Variants in MCTP1 observed in about 807,000 individuals in gnomAD.
The protein encoded by MCTP1 is multiple C2 and transmembrane domain containing 1.
MCTP1 carries 69 observed loss-of-function variants against 120.6 expected under a neutral mutation model. The observed-to-expected ratio is 0.57, with a 90% CI of 0.47 to 0.70. The LOEUF (loss-of-function observed/expected upper bound fraction) is 0.70, where lower values mean the gene tolerates loss of function less well. Ranked by LOEUF, MCTP1 falls within the 30% of genes least tolerant of loss-of-function variation. The pLI is 0.00. For missense variants in MCTP1, 1,203 were observed against 1,248.8 expected (o/e 0.96, Z 0.55); for synonymous variants, 529 against 493.1 (o/e 1.07, Z -0.96).
Position 95,137,888 on chromosome 5 carries a change from A to G in MCTP1, c.721-120404T>C, listed in dbSNP as rs530931930. Among the ~76,000 whole-genome samples the G allele has an allele frequency of 5.9e-5, 9 of 152,314 alleles. No individual in the cohort carries two copies. In the East Asian group the frequency reaches 1.7e-3, roughly 29 times the overall value. On this transcript the variant is annotated intron_variant, in intron 1 of 22. Transcript: ENST00000515393. ...GCCAAACCAAACTTGATGATTTGCA[A>G]GCAACATGTTCTTAGAAAACATTTA...
intron 17 of MCTP1, among the ~76,000 whole-genome samples, chr5:94,819,087 AT>A (rs1785065314): frequency 1.6e-5 from 1 of 62,850 alleles, no homozygotes; most frequent in African/African-American, 5.6e-5. Flanking sequence ...AAATTTATTT[AT>A]TTATTTATTT....
intron 5 of MCTP1, among the ~76,000 whole-genome samples, chr5:94,933,332 G>A (rs1047242171): frequency 6.6e-6 from 1 of 151,590 alleles, no homozygotes; most frequent in African/African-American, 2.4e-5. Context: ...GCCATCTAGG[G>A]GGACATGTAC....
chr5:94,931,701 A>G, intron 6 of MCTP1: 2 of 437,100 alleles, frequency 4.6e-6, no homozygotes. Context: ...TGTTGCATAT[A>G]TAGTTGAGAC....
intron 1 of MCTP1, among the ~76,000 whole-genome samples, chr5:95,172,066 G>A (rs1341568889): frequency 6.6e-6 from 1 of 152,150 alleles, no homozygotes; most frequent in Non-Finnish European, 1.5e-5. Context: ...TTTGATGATG[G>A]TGAGGTACAG....
At chr5:94,740,403 C>T (rs1765241942) in intron 19 of MCTP1, among the ~76,000 whole-genome samples, 1 of 152,146 alleles carries the variant, frequency 6.6e-6, no homozygotes, top group African/African-American at 2.4e-5. Flanking sequence ...TAATTAAATG[C>T]AAATTTTTTT....
At chr5:94,865,001 C>T (rs1796532139) in intron 17 of MCTP1, among the ~76,000 whole-genome samples, 1 of 151,908 alleles carries the variant, frequency 6.6e-6, no homozygotes, top group South Asian at 2.1e-4. Flanking sequence ...GCAGTGCCTT[C>T]TGCACCACAC....
intron 2 of MCTP1, chr5:94,980,757 A>G (rs1829221619): frequency 6.6e-6 from 1 of 152,134 alleles, no homozygotes; most frequent in Non-Finnish European, 1.5e-5. Context: ...TTCTTCAATG[A>G]GAGAAGTTTT....
At chr5:95,209,887 G>A (rs1562240114) in intron 1 of MCTP1, among the ~76,000 whole-genome samples, 1 of 152,158 alleles carries the variant, frequency 6.6e-6, no homozygotes, top group Non-Finnish European at 1.5e-5. Context: ...GTTCTTGTTG[G>A]TTTCAAAGAA....
chr5:95,108,371 C>A (rs1312536597), intron 1 of MCTP1, among the ~76,000 whole-genome samples: 1 of 152,182 alleles, frequency 6.6e-6, no homozygotes, highest in Non-Finnish European at 1.5e-5. Context: ...TAGACCTTGA[C>A]ACATCTTATT....
chr5:95,192,644 C>A (rs1292014146), intron 1 of MCTP1, among the ~76,000 whole-genome samples: 1 of 151,972 alleles, frequency 6.6e-6, no homozygotes, highest in African/African-American at 2.4e-5. Flanking sequence ...TTGACAAATA[C>A]TTTTATATGT....
intron 1 of MCTP1, among the ~76,000 whole-genome samples, chr5:95,062,294 G>A (rs961179234): frequency 2.6e-5 from 4 of 152,152 alleles, no homozygotes; most frequent in African/African-American, 7.2e-5. Flanking sequence ...ATTGAAAGAT[G>A]TGTATTTTGG....
chr5:94,797,832 C>T (rs980377322), intron 18 of MCTP1, among the ~76,000 whole-genome samples: 2 of 152,000 alleles, frequency 1.3e-5, no homozygotes, highest in African/African-American at 4.8e-5. Flanking sequence ...AACTTTGTCA[C>T]ATACTAAAGG....
chr5:94,969,458 A>G (rs1826301243), intron 2 of MCTP1, among the ~76,000 whole-genome samples: 1 of 152,168 alleles, frequency 6.6e-6, no homozygotes. Context: ...AACAAGTTTA[A>G]ATCAGTCTCA....
rs557358687 is a variant in MCTP1 at position 95,002,266 on chromosome 5, G to A, written c.838+15101C>T. On this transcript the variant is annotated intron_variant, in intron 2 of 22. Transcript: ENST00000515393. ...CTAGGGCAGTGTGGAAGGGAAATGC[G>A]GGGTTGGAGCCTCGACACAGAGTCC... 1.5e-4 allele frequency among the ~76,000 whole-genome samples: 23 copies of A among 152,352 alleles called. No homozygotes were observed. The South Asian group carries it at 2.1e-3, about 14-fold the overall frequency.
intron 19 of MCTP1, among the ~76,000 whole-genome samples, chr5:94,731,197 T>A (rs1398718508): frequency 3.9e-5 from 6 of 152,206 alleles, no homozygotes; most frequent in African/African-American, 1.4e-4. Flanking sequence ...GTTTTGAGTT[T>A]AATTTAGGAT....
At chr5:94,943,299 G>A (rs1413163691) in intron 3 of MCTP1, among the ~76,000 whole-genome samples, 5 of 152,060 alleles carry the variant, frequency 3.3e-5, no homozygotes, top group Admixed American at 1.3e-4. Context: ...ATGCTAGCAA[G>A]AGCAAGAGCC....
At chr5:95,044,534 T>G (rs1011932445) in intron 1 of MCTP1, among the ~76,000 whole-genome samples, 1 of 152,150 alleles carries the variant, frequency 6.6e-6, no homozygotes, top group Non-Finnish European at 1.5e-5. Flanking sequence ...TCTGGGATGC[T>G]TCTCTCTGCT....
intron 1 of MCTP1, among the ~76,000 whole-genome samples, chr5:95,257,614 C>A (rs907513811): frequency 6.6e-6 from 1 of 152,046 alleles, no homozygotes; most frequent in Non-Finnish European, 1.5e-5. Flanking sequence ...ATTAAAAATG[C>A]TTCCCAATAG....
intron 17 of MCTP1, among the ~76,000 whole-genome samples, chr5:94,831,862 T>G (rs1317262946): frequency 1.3e-5 from 2 of 152,218 alleles, no homozygotes; most frequent in Non-Finnish European, 2.9e-5. Flanking sequence ...ATACACATCT[T>G]CTGGTGGCAA....
Sources: allele counts gnomAD v4.1 joint callset (sites outside exome capture counted in the v4.1 genomes callset), GRCh38; gene constraint gnomAD v4.1.1; transcripts MANE v1.5; gene names NCBI Gene and HGNC (gene_info 2026-07-23, HGNC 2026-07-21).